Variants in SAP130 observed in about 807,000 individuals in gnomAD.
SAP130 encodes the protein histone deacetylase complex subunit SAP130.
In SAP130, 16 loss-of-function variants were observed where a neutral mutation model predicts 103.2. The observed-to-expected ratio is 0.16, with a 90% CI of 0.10 to 0.24. SAP130 has a LOEUF of 0.24. SAP130 is among the 10% of genes least tolerant of loss of function. SAP130 has a pLI of 1.00. For synonymous variants in SAP130, 477 were observed against 497.0 expected (o/e 0.96, Z 0.53); for missense variants, 990 against 1,359.7 (o/e 0.73, Z 4.28).
In SAP130 at chr2:128,013,167, A is replaced by G. The variant is rs762023058; in HGVS notation, c.620-13T>C. On this transcript the variant is annotated splice_polypyrimidine_tract_variant and intron_variant, in intron 5 of 20. Transcript: ENST00000643581. ...GCAGCAGCTGCACCTGAAAAAAAAA[A>G]AGTGTTTATTATATTTATTCTAGTT... is the stretch of plus-strand genomic sequence containing the variant. 25 of 1,588,816 alleles carry G rather than the reference A, an allele frequency of 1.6e-5. No homozygotes were observed. The highest frequency in any genetic ancestry group is 4.3e-6 in the Non-Finnish European group (5 of 1,171,228).
chr2:127,964,494 C>CAAAAAAAAAAAAAAAAAAAAAA (rs55755397), intron 15 of SAP130, among the ~76,000 whole-genome samples: 1 of 69,910 alleles, frequency 1.4e-5, no homozygotes, highest in Admixed American at 2.1e-4. Flanking sequence ...AACTCCATCT[C>CAAAAAAAAAAAAAAAAAAAAAA]AAAAAAAAAA....
chr2:127,985,874 C>G (rs1465936397), intron 14 of SAP130, among the ~76,000 whole-genome samples: 2 of 151,734 alleles, frequency 1.3e-5, no homozygotes, highest in Non-Finnish European at 2.9e-5. Flanking sequence ...AAGACACAAG[C>G]AGCTGGACGG....
intron 2 of SAP130, 125 bp downstream of exon 2, chr2:128,026,056 C>A: frequency 2.9e-6 from 2 of 687,846 alleles, no homozygotes; most frequent in Non-Finnish European, 5.0e-6. Context: ...AGTAATATAC[C>A]CTTTCTTCAA....
chr2:128,019,531 A>G (rs1016244174), intron 2 of SAP130, among the ~76,000 whole-genome samples: 3 of 152,124 alleles, frequency 2.0e-5, no homozygotes, highest in Non-Finnish European at 4.4e-5. Context: ...TGGCCTCCCA[A>G]AGTGCTGAGA....
intron 13 of SAP130, among the ~76,000 whole-genome samples, chr2:127,988,456 T>G (rs1047557684): frequency 1.6e-4 from 24 of 146,710 alleles, no homozygotes; most frequent in Non-Finnish European, 1.8e-4. Flanking sequence ...AAAAAATCAG[T>G]GCCTTGGCTG....
At chr2:127,952,618 A>G (rs1334218230) in intron 16 of SAP130, among the ~76,000 whole-genome samples, 1 of 152,018 alleles carries the variant, frequency 6.6e-6, no homozygotes, top group Admixed American at 6.6e-5. Context: ...ATCATTACAG[A>G]AAAACTGCTT....
chr2:127,941,712 G>A lies in SAP130; in HGVS notation c.*294C>T. On this transcript the variant is annotated 3_prime_UTR_variant, in exon 21 of 21. Coordinates refer to ENST00000643581, the MANE Select transcript of SAP130 (RefSeq NM_001330301.2). ...TAAACCGGAAGGCTGAAAAACACCA[G>A]CCAGCCATCCTTGTCATTGCTTCCA... 5.1e-6 allele frequency: 2 copies of A among 393,060 alleles called. No homozygotes were observed. Among genetic ancestry groups the A allele is most frequent in the Non-Finnish European group, 9.0e-6 (2 of 221,428 alleles). 24.3% of individuals were successfully genotyped at this position (393,060 alleles called of 1,614,324 possible). A position where few individuals can be genotyped will look rare whatever the true frequency, so the allele number is the denominator to read the frequency against.
chr2:128,006,238 G>A (rs1233886048), intron 7 of SAP130, among the ~76,000 whole-genome samples: 2 of 152,084 alleles, frequency 1.3e-5, no homozygotes, highest in Non-Finnish European at 2.9e-5. Context: ...TTCTCAGCAC[G>A]TAAACTTTCA....
chr2:127,983,831 T>G (rs1007983464), intron 14 of SAP130, among the ~76,000 whole-genome samples: 2 of 123,312 alleles, frequency 1.6e-5, no homozygotes, highest in East Asian at 2.3e-4. Flanking sequence ...TTGTTTTTTT[T>G]TTTTTTTTTT....
At chr2:127,967,461 G>A (rs1406074951) in intron 15 of SAP130, among the ~76,000 whole-genome samples, 2 of 152,176 alleles carry the variant, frequency 1.3e-5, no homozygotes, top group East Asian at 1.9e-4. Context: ...GTGCAGTGGC[G>A]CAGTCTCAGC....
chr2:128,018,325 AAAAAAAC>A (rs1684913918), intron 2 of SAP130, among the ~76,000 whole-genome samples: 1 of 148,940 alleles, frequency 6.7e-6, no homozygotes, highest in South Asian at 2.1e-4. Flanking sequence ...AAAAAAAAAA[AAAAAAAC>A]AAACCAAAAA....
Position 127,950,134 on chromosome 2 carries a change from AACACAAGTCAGCCTGTGACCATT to A in SAP130, c.2671+3_2671+25del. On this transcript the variant is annotated splice_donor_5th_base_variant and intron_variant, in intron 17 of 20. Coordinates refer to ENST00000643581, the MANE Select transcript of SAP130 (RefSeq NM_001330301.2). Reference sequence around the variant, plus strand: ...CTCTGACTTTATTGGGAAGCATCATAACACAAGTCAGCCTGTGACCATTACCAATATACTCCTTGGGAGGAGAC... The same window carrying A: ...CTCTGACTTTATTGGGAAGCATCATAACCAATATACTCCTTGGGAGGAGAC... The A allele has an allele frequency of 6.2e-7, 1 of 1,613,770 alleles. No homozygotes were observed. Among genetic ancestry groups the A allele is most frequent in the Non-Finnish European group, 8.5e-7 (1 of 1,179,630 alleles).
At chr2:127,992,646 AC>A (rs1410027549) in intron 12 of SAP130, among the ~76,000 whole-genome samples, 3 of 152,076 alleles carry the variant, frequency 2.0e-5, no homozygotes, top group Non-Finnish European at 4.4e-5. Context: ...GACTACACAG[AC>A]TCTGACATTT....
In SAP130 at chr2:127,950,079, G is replaced by A; in HGVS notation, c.2671+81C>T. The A allele has an allele frequency of 3.1e-6, 5 of 1,608,092 alleles. No homozygotes were observed. The South Asian group carries it at 4.4e-5, about 14-fold the overall frequency. On this transcript the variant is annotated intron_variant, in intron 17 of 20. Coordinates refer to ENST00000643581, the MANE Select transcript of SAP130 (RefSeq NM_001330301.2). ...TTCCAGTAAGTGAGGTACGAGTGAG[G>A]CTGACTATGTAACGAGCCTCTGGGT...
At chr2:127,988,016 G>A (rs943061230) in intron 13 of SAP130, among the ~76,000 whole-genome samples, 5 of 152,082 alleles carry the variant, frequency 3.3e-5, no homozygotes, top group African/African-American at 9.7e-5. Flanking sequence ...CCATCCTACC[G>A]GGTGGGTCAT....
chr2:127,971,442 C>A (rs1462960808), intron 15 of SAP130, among the ~76,000 whole-genome samples: 3 of 152,134 alleles, frequency 2.0e-5, no homozygotes, highest in Non-Finnish European at 4.4e-5. Flanking sequence ...CCCGCCACCA[C>A]GCCTGGCTAA....
At chr2:127,969,488 G>A (rs1680912805) in intron 15 of SAP130, among the ~76,000 whole-genome samples, 1 of 152,184 alleles carries the variant, frequency 6.6e-6, no homozygotes, top group South Asian at 2.1e-4. Context: ...GTTCTGCTTT[G>A]CAATGCAATC....
chr2:127,983,027 A>AGC (rs1682066117), intron 14 of SAP130, among the ~76,000 whole-genome samples: 1 of 152,208 alleles, frequency 6.6e-6, no homozygotes, highest in African/African-American at 2.4e-5. Flanking sequence ...AGGCAGGAGA[A>AGC]GCATTCAAGC....
intron 15 of SAP130, among the ~76,000 whole-genome samples, chr2:127,958,423 C>T (rs1209085407): frequency 1.3e-5 from 2 of 152,164 alleles, no homozygotes; most frequent in African/African-American, 4.8e-5. Flanking sequence ...CAAAAAACAA[C>T]CAACCCAAAT....
Sources: allele counts gnomAD v4.1 joint callset (sites outside exome capture counted in the v4.1 genomes callset), GRCh38; gene constraint gnomAD v4.1.1; transcripts MANE v1.5; gene names NCBI Gene and HGNC (gene_info 2026-07-23, HGNC 2026-07-21).